Variants in CAMKMT observed in about 807,000 individuals in gnomAD.
CAMKMT encodes the protein CaM KMT.
Under a neutral mutation model 48.0 loss-of-function variants are expected in CAMKMT, and 53 were observed. The observed-to-expected ratio is 1.10, with a 90% CI of 0.89 to 1.39. The LOEUF is 1.39. Ranked by LOEUF, CAMKMT falls within the 40% of genes most tolerant of loss-of-function variation. The pLI is 0.00. For synonymous variants in CAMKMT, 165 were observed against 152.3 expected (o/e 1.08, Z -0.61); for missense variants, 428 against 402.7 (o/e 1.06, Z -0.54).
intron 3 of CAMKMT, among the ~76,000 whole-genome samples, chr2:44,675,960 T>C (rs1675664752): frequency 5.3e-5 from 8 of 152,236 alleles, no homozygotes; most frequent in Admixed American, 5.2e-4. Flanking sequence ...TTACTTAGCA[T>C]GATGTCCCCC....
intron 3 of CAMKMT, among the ~76,000 whole-genome samples, chr2:44,607,327 C>G (rs1671342341): frequency 2.0e-5 from 3 of 152,074 alleles, no homozygotes; most frequent in Admixed American, 2.0e-4. Context: ...GTAGAGAAAT[C>G]TCTGTTTTTC....
At chr2:44,372,118 T>G (rs1331471955) in intron 1 of CAMKMT, among the ~76,000 whole-genome samples, 1 of 152,190 alleles carries the variant, frequency 6.6e-6, no homozygotes, top group Non-Finnish European at 1.5e-5. Context: ...TCTTTTAGAA[T>G]TGACACATAT....
intron 3 of CAMKMT, among the ~76,000 whole-genome samples, chr2:44,660,116 A>C (rs1191023479): frequency 6.6e-6 from 1 of 152,242 alleles, no homozygotes; most frequent in Non-Finnish European, 1.5e-5. Context: ...AAAAGTAATT[A>C]TATTTTCCAA....
intron 3 of CAMKMT, among the ~76,000 whole-genome samples, chr2:44,525,951 G>A (rs916376669): frequency 1.3e-5 from 2 of 152,012 alleles, no homozygotes; most frequent in Non-Finnish European, 2.9e-5. Context: ...CTGGTGTGCT[G>A]CACCCATTAA....
intron 3 of CAMKMT, among the ~76,000 whole-genome samples, chr2:44,597,990 C>CACCACACCCAGCTAATTTTTGTACTTT (rs1406595895): frequency 1.3e-5 from 2 of 152,112 alleles, no homozygotes; most frequent in African/African-American, 4.8e-5. Flanking sequence ...CTGCCTCGGC[C>CACCACACCCAGCTAATTTTTGTACTTT]TCCCAAATTG....
intron 3 of CAMKMT, among the ~76,000 whole-genome samples, chr2:44,580,019 A>G (rs971935502): frequency 6.6e-6 from 1 of 152,208 alleles, no homozygotes; most frequent in African/African-American, 2.4e-5. Context: ...TTTAAAAAGC[A>G]AATGGGAAAG....
chr2:44,428,818 T>C (rs755146677), intron 3 of CAMKMT, among the ~76,000 whole-genome samples: 1 of 152,206 alleles, frequency 6.6e-6, no homozygotes, highest in Non-Finnish European at 1.5e-5. Flanking sequence ...AAGTTTATGA[T>C]GACTCCATGA....
At chr2:44,698,482 G>T (rs559265792) in intron 3 of CAMKMT, among the ~76,000 whole-genome samples, 1 of 152,168 alleles carries the variant, frequency 6.6e-6, no homozygotes, top group Non-Finnish European at 1.5e-5. Flanking sequence ...TTGCTTTCCT[G>T]GTGCATATAA....
intron 3 of CAMKMT, among the ~76,000 whole-genome samples, chr2:44,698,507 CT>C (rs1476236536): frequency 1.3e-5 from 2 of 152,206 alleles, no homozygotes; most frequent in Admixed American, 6.5e-5. Flanking sequence ...TTGCACTATA[CT>C]GTAGCTTAAG....
chr2:44,514,723 TTTGAA>T (rs1305304891), intron 3 of CAMKMT, among the ~76,000 whole-genome samples: 1 of 152,196 alleles, frequency 6.6e-6, no homozygotes, highest in Non-Finnish European at 1.5e-5. Context: ...AGTAAGTAAG[TTTGAA>T]TGACTACATT....
chr2:44,442,017 A>G (rs1262876179), intron 3 of CAMKMT, among the ~76,000 whole-genome samples: 3 of 152,218 alleles, frequency 2.0e-5, no homozygotes, highest in East Asian at 1.9e-4. Context: ...AAGAAAAGTT[A>G]TTAGGCTGGT....
At chr2:44,604,712 C>G (rs1452684165) in intron 3 of CAMKMT, among the ~76,000 whole-genome samples, 2 of 151,974 alleles carry the variant, frequency 1.3e-5, no homozygotes, top group Non-Finnish European at 2.9e-5. Flanking sequence ...TCCTTGATTT[C>G]CACTCTATGC....
intron 3 of CAMKMT, among the ~76,000 whole-genome samples, chr2:44,548,236 ACT>A (rs1451750117): frequency 6.6e-6 from 1 of 151,944 alleles, no homozygotes; most frequent in East Asian, 1.9e-4. Context: ...CTCATTCCTG[ACT>A]CTGTTGGGTA....
rs58443811 is a variant in CAMKMT at position 44,408,025 on chromosome 2, CTT to C, written c.376+17738_376+17739del. Among the ~76,000 whole-genome samples, 501 of 105,218 alleles carry C rather than the reference CTT, an allele frequency of 4.8e-3. 4 individuals carry two copies. The highest frequency in any genetic ancestry group is 0.014 in the African/African-American group (383 of 27,154). The allele number at this position is 105,218 out of a possible 152,430, so 69.0% of individuals were successfully genotyped here. A position where few individuals can be genotyped will look rare whatever the true frequency, so the allele number is the denominator to read the frequency against. On this transcript the variant is annotated intron_variant, in intron 3 of 10. Coordinates refer to ENST00000378494, the MANE Select transcript of CAMKMT (RefSeq NM_024766.5). Reference sequence around the variant, plus strand: ...GGCAGAAGACAACAGTAGAGCATGTCTTTTTTTTTTTTTTTTTTTGAGATGGA... The same window carrying C: ...GGCAGAAGACAACAGTAGAGCATGTCTTTTTTTTTTTTTTTTTGAGATGGA...
intron 3 of CAMKMT, among the ~76,000 whole-genome samples, chr2:44,531,767 A>G (rs934223492): frequency 3.3e-5 from 5 of 152,208 alleles, no homozygotes; most frequent in African/African-American, 4.8e-5. Context: ...TCATGATATT[A>G]CACTTGTATT....
At chr2:44,771,320 T>G (rs1033564652) in intron 10 of CAMKMT, among the ~76,000 whole-genome samples, 9 of 152,190 alleles carry the variant, frequency 5.9e-5, no homozygotes, top group Non-Finnish European at 1.0e-4. Context: ...TAGCAAATTT[T>G]TATTTGCTAG....
intron 3 of CAMKMT, among the ~76,000 whole-genome samples, chr2:44,624,124 G>A (rs1250406655): frequency 6.6e-6 from 1 of 152,120 alleles, no homozygotes; most frequent in Admixed American, 6.6e-5. Flanking sequence ...CATCAGCAGA[G>A]TAAGCAGCCT....
In CAMKMT at chr2:44,766,487, C is replaced by G. The variant is rs1680847152; in HGVS notation, c.820C>G (p.Leu274Val). ...GAATACTTTAAACCAGTTTTGCAAT[C>G]TAGCTGAAAAAGCTGGTTTCTGTAT... ...RGNTLNQFCNLAEKAGFCIQR... is the reference protein window; with the variant it reads ...RGNTLNQFCNVAEKAGFCIQR... The change falls in exon 10 of 11, where the codon CTA becomes GTA. Residue 274 changes from leucine (L) to valine (V), a missense_variant. By Grantham distance (32) the Leu-to-Val change is conservative. Coordinates refer to ENST00000378494, the MANE Select transcript of CAMKMT (RefSeq NM_024766.5). The G allele has an allele frequency of 1.2e-6, 2 of 1,614,050 alleles. No homozygotes were observed. Among genetic ancestry groups the G allele is most frequent in the Admixed American group, 1.7e-5 (1 of 59,998 alleles).
In CAMKMT at chr2:44,520,342, A is replaced by G. The variant is rs1671041117; in HGVS notation, c.376+130037A>G. On this transcript the variant is annotated intron_variant, in intron 3 of 10. Transcript: ENST00000378494. ...ACCCTCGAGGGAGATCCTCTTATCT[A>G]TCTCAGCCTCCCGATCCGCCTGCCG... Among the ~76,000 whole-genome samples the G allele has an allele frequency of 3.9e-5, 6 of 152,028 alleles. No individual in the cohort carries two copies. The South Asian group carries it at 1.2e-3, about 32-fold the overall frequency.
Sources: gnomAD v4.1 joint callset for allele counts (sites outside exome capture counted in the v4.1 genomes callset) on GRCh38, gnomAD v4.1.1 for gene constraint, MANE v1.5 for transcripts, NCBI Gene and HGNC (gene_info 2026-07-23, HGNC 2026-07-21) for gene names.